Variants in APP observed in about 807,000 individuals in gnomAD.
The protein encoded by APP is amyloid beta precursor protein.
In APP, 31 loss-of-function variants were observed where a neutral mutation model predicts 101.4. That is an observed-to-expected ratio of 0.31 (90% CI 0.23 to 0.41). The LOEUF (loss-of-function observed/expected upper bound fraction) is 0.41, where lower values mean the gene tolerates loss of function less well. Among genes scored for constraint, APP ranks in the 10% least tolerant of loss-of-function variants. The probability of loss-of-function intolerance (pLI) is 1.00; values close to 1 mark genes in which losing one functional copy is unlikely to be tolerated. For synonymous variants in APP, 366 were observed against 364.4 expected (o/e 1.00, Z -0.05); for missense variants, 839 against 1,003.7 (o/e 0.84, Z 2.22).
rs190235026 is a variant in APP at position 25,890,797 on chromosome 21, C to T, written c.2211+925G>A. ...TGAGCTTGACCTTGCATAATTTGAA[C>T]CCTTCTGTCTCGGCCTCAGTTCCCT... On this transcript the variant is annotated intron_variant, in intron 17 of 17. Transcript: ENST00000346798. 5.0e-3 allele frequency among the ~76,000 whole-genome samples: 749 copies of T among 150,252 alleles called. 5 individuals are homozygous for T. The highest frequency in any genetic ancestry group is 0.018 in the Middle Eastern group (5 of 280).
intron 13 of APP, among the ~76,000 whole-genome samples, chr21:25,920,271 T>C (rs1471636059): frequency 5.3e-5 from 8 of 151,948 alleles, no homozygotes; most frequent in Admixed American, 3.3e-4. Flanking sequence ...CGCTGCAAAA[T>C]CATGCCAAAA....
intron 5 of APP, among the ~76,000 whole-genome samples, chr21:26,044,314 T>C (rs1297688337): frequency 6.6e-6 from 1 of 152,122 alleles, no homozygotes; most frequent in Non-Finnish European, 1.5e-5. Flanking sequence ...TTAAAAAGCA[T>C]GATAAAAAGA....
chr21:26,157,227 G>A (rs193127443), intron 1 of APP, among the ~76,000 whole-genome samples: 10 of 152,060 alleles, frequency 6.6e-5, no homozygotes, highest in Admixed American at 2.0e-4. Context: ...GCACCACCAC[G>A]CTCGGCTGAT....
intron 16 of APP, among the ~76,000 whole-genome samples, chr21:25,893,458 G>A (rs1007188709): frequency 4.6e-5 from 7 of 152,198 alleles, no homozygotes; most frequent in African/African-American, 1.7e-4. Context: ...GCAAAGAAAA[G>A]CTCTTGAAGG....
chr21:25,954,468 A>T, intron 13 of APP, 122 bp downstream of exon 13: 1 of 879,710 alleles, frequency 1.1e-6, no homozygotes, highest in Non-Finnish European at 1.9e-6. Flanking sequence ...TGACAGTTTC[A>T]TCGTAAAAGG....
rs189705290 is a variant in APP, at chr21:26,009,840, C to T, written c.866-9658G>A. On this transcript the variant is annotated intron_variant, in intron 6 of 17. Transcript: ENST00000346798. Reference sequence around the variant, plus strand: ...CTGACCTCAGGTGATGCACCCACCTCGGCCTCCCAAAGTGCTGGGATTACA... The same window carrying T: ...CTGACCTCAGGTGATGCACCCACCTTGGCCTCCCAAAGTGCTGGGATTACA... 4.0e-3 allele frequency: 645 copies of T among 160,802 alleles called. 3 individuals are homozygous for T. The highest frequency in any genetic ancestry group is 0.015 in the African/African-American group (622 of 41,570). The allele number at this position is 160,802 out of a possible 1,614,324, so 10.0% of individuals were successfully genotyped here. A position where few individuals can be genotyped will look rare whatever the true frequency, so the allele number is the denominator to read the frequency against.
intron 13 of APP, among the ~76,000 whole-genome samples, chr21:25,917,571 A>T (rs1238335222): frequency 6.6e-6 from 1 of 152,220 alleles, no homozygotes; most frequent in Non-Finnish European, 1.5e-5. Flanking sequence ...GTCACATCTT[A>T]CGATTAAAGA....
chr21:26,055,517 TTCTCAGGGTTTCTGAGGGC>T (rs1006153164), intron 3 of APP, among the ~76,000 whole-genome samples: 6 of 152,162 alleles, frequency 3.9e-5, no homozygotes, highest in African/African-American at 1.2e-4. Context: ...CCAGGTGGAT[TTCTCAGGGTTTCTGAGGGC>T]TCTCAGGGTT....
chr21:26,041,844 TA>T (rs11297949), intron 5 of APP, among the ~76,000 whole-genome samples: 152,222 of 152,222 alleles, frequency 1, 76,111 homozygotes, highest in Non-Finnish European at 1. Context: ...CGAGCATTTC[TA>T]AATAAGGACC....
At chr21:25,882,307 TAAG>T (rs2037042189) in intron 17 of APP, among the ~76,000 whole-genome samples, 2 of 150,918 alleles carry the variant, frequency 1.3e-5, no homozygotes, top group South Asian at 2.1e-4. Flanking sequence ...GTTAAAATGT[TAAG>T]GAGAGGTTTG....
At chr21:25,920,919 A>G (rs1356523631) in intron 13 of APP, among the ~76,000 whole-genome samples, 4 of 139,368 alleles carry the variant, frequency 2.9e-5, no homozygotes, top group African/African-American at 1.1e-4. Context: ...AATCAACAGA[A>G]TATACATTTT....
chr21:25,950,161 G>C (rs2041002569), intron 13 of APP, among the ~76,000 whole-genome samples: 1 of 152,154 alleles, frequency 6.6e-6, no homozygotes, highest in Non-Finnish European at 1.5e-5. Context: ...TGGCGGTCCT[G>C]TACCTCAACG....
At chr21:26,035,489 T>C (rs778214405) in intron 5 of APP, among the ~76,000 whole-genome samples, 3 of 152,162 alleles carry the variant, frequency 2.0e-5, no homozygotes, top group Non-Finnish European at 4.4e-5. Flanking sequence ...TCAAATACAC[T>C]AATACCTGTA....
At chr21:26,079,640 A>G (rs1184836688) in intron 3 of APP, among the ~76,000 whole-genome samples, 1 of 152,256 alleles carries the variant, frequency 6.6e-6, no homozygotes, top group African/African-American at 2.4e-5. Context: ...AGCTTCAGGA[A>G]GTCCTGAAAA....
intron 3 of APP, among the ~76,000 whole-genome samples, chr21:26,063,952 C>T (rs539783750): frequency 4.3e-4 from 65 of 152,282 alleles, no homozygotes; most frequent in African/African-American, 1.3e-3. Context: ...TAAACACGTA[C>T]CCTTGATATG....
intron 3 of APP, among the ~76,000 whole-genome samples, chr21:26,072,091 G>A (rs1198443668): frequency 2.0e-5 from 3 of 152,214 alleles, no homozygotes; most frequent in Non-Finnish European, 4.4e-5. Context: ...GTCATCTAGA[G>A]TAGGCCACCT....
intron 5 of APP, among the ~76,000 whole-genome samples, chr21:26,024,447 T>C (rs1173918332): frequency 6.6e-6 from 1 of 152,122 alleles, no homozygotes; most frequent in African/African-American, 2.4e-5. Context: ...CTTGGACTCG[T>C]AGTGAGAGCA....
intron 13 of APP, among the ~76,000 whole-genome samples, chr21:25,944,252 C>G (rs2040708378): frequency 6.6e-6 from 1 of 152,080 alleles, no homozygotes; most frequent in African/African-American, 2.4e-5. Flanking sequence ...TAAGTAACGC[C>G]CTGGCCTTGA....
intron 6 of APP, among the ~76,000 whole-genome samples, chr21:26,017,404 C>A (rs1170548618): frequency 1.5e-4 from 12 of 80,400 alleles, no homozygotes; most frequent in African/African-American, 5.1e-4. Flanking sequence ...AGCAAAATCC[C>A]GTGTCAAAAA....
Sources: allele counts gnomAD v4.1 joint callset (sites outside exome capture counted in the v4.1 genomes callset), GRCh38; gene constraint gnomAD v4.1.1; transcripts MANE v1.5; gene names NCBI Gene and HGNC (gene_info 2026-07-23, HGNC 2026-07-21).